Variants in CDH13 observed in about 807,000 individuals in gnomAD.
CDH13 encodes the protein cadherin-13.
CDH13 carries 24 observed loss-of-function variants against 63.8 expected under a neutral mutation model. The ratio of observed to expected loss-of-function variants is 0.38; its 90% CI spans 0.27 to 0.53. The LOEUF (loss-of-function observed/expected upper bound fraction) is 0.53, where lower values mean the gene tolerates loss of function less well. Among genes scored for constraint, CDH13 ranks in the 20% least tolerant of loss-of-function variants. The pLI, the probability that CDH13 is intolerant of heterozygous loss-of-function variation, is 0.85. For missense variants in CDH13, 1,049 were observed against 903.1 expected, an observed-to-expected ratio of 1.16 and a Z score of -2.07; for synonymous variants, 503 against 355.3, an observed-to-expected ratio of 1.42 and a Z score of -4.67.
intron 8 of CDH13, among the ~76,000 whole-genome samples, chr16:83,621,789 C>G (rs1313642702): frequency 1.1e-4 from 17 of 152,022 alleles, no homozygotes; most frequent in Admixed American, 1.1e-3. Flanking sequence ...ACGCAGCCAC[C>G]TCACCTGCCT....
chr16:83,351,105 G>C (rs2090942528), intron 6 of CDH13, among the ~76,000 whole-genome samples: 1 of 152,132 alleles, frequency 6.6e-6, no homozygotes, highest in African/African-American at 2.4e-5. Flanking sequence ...TGGTAGTAAA[G>C]TCCCTTTTCT....
intron 5 of CDH13, among the ~76,000 whole-genome samples, chr16:83,301,167 G>T (rs140490666): frequency 0.014 from 2,171 of 151,112 alleles, 43 homozygotes; most frequent in African/African-American, 0.046. Flanking sequence ...AAGTAGCTGG[G>T]ACTACAGGCG....
At chr16:82,743,473 C>T (rs1248052419) in intron 1 of CDH13, among the ~76,000 whole-genome samples, 6 of 152,194 alleles carry the variant, frequency 3.9e-5, no homozygotes, top group African/African-American at 1.4e-4. Context: ...CCCACTTCAG[C>T]CTCCCAAAAT....
chr16:83,377,484 G>A (rs2151410779), intron 6 of CDH13, among the ~76,000 whole-genome samples: 1 of 152,204 alleles, frequency 6.6e-6, no homozygotes, highest in South Asian at 2.1e-4. Flanking sequence ...TCAAACTCTT[G>A]GGTGAGCTTT....
At chr16:82,791,515 C>T (rs898733332) in intron 1 of CDH13, among the ~76,000 whole-genome samples, 7 of 152,182 alleles carry the variant, frequency 4.6e-5, no homozygotes, top group Admixed American at 1.3e-4. Flanking sequence ...TATGGGAGCT[C>T]TGTTTTCACT....
intron 5 of CDH13, among the ~76,000 whole-genome samples, chr16:83,302,703 A>C (rs898824976): frequency 2.6e-5 from 4 of 152,174 alleles, no homozygotes; most frequent in Non-Finnish European, 5.9e-5. Context: ...TAAGTCAACA[A>C]GATTACAAAA....
At chr16:82,939,358 G>T (rs1038357047) in intron 2 of CDH13, among the ~76,000 whole-genome samples, 1 of 152,046 alleles carries the variant, frequency 6.6e-6, no homozygotes, top group Non-Finnish European at 1.5e-5. Context: ...GGGAGACGGA[G>T]GTTGCAGTGA....
intron 2 of CDH13, among the ~76,000 whole-genome samples, chr16:83,002,945 C>G (rs1913091204): frequency 6.6e-6 from 1 of 152,224 alleles, no homozygotes; most frequent in South Asian, 2.1e-4. Context: ...GAGCATGTAC[C>G]AAATATATTG....
chr16:83,191,524 CACACACATAT>C (rs1252326960), intron 4 of CDH13, among the ~76,000 whole-genome samples: 78 of 100,528 alleles, frequency 7.8e-4, no homozygotes, highest in Middle Eastern at 9.8e-3. Flanking sequence ...CACACACACA[CACACACATAT>C]ATATATATAT....
chr16:83,127,754 C>G (rs968022001), intron 4 of CDH13, among the ~76,000 whole-genome samples: 2 of 152,062 alleles, frequency 1.3e-5, no homozygotes, highest in African/African-American at 4.8e-5. Flanking sequence ...AAAAATCGAT[C>G]TTTATTGCAA....
At position 83,780,179 on chromosome 16, in the gene CDH13, C is replaced by G; in HGVS notation, c.1893C>G (p.Val631=). 3 of 1,602,622 alleles carry G rather than the reference C, an allele frequency of 1.9e-6. No individual in the cohort carries two copies. Among genetic ancestry groups the G allele is most frequent in the Non-Finnish European group, 2.6e-6 (3 of 1,173,476 alleles). The change falls in exon 12 of 14, where the codon GTC becomes GTG. Residue 631 remains valine (V), a synonymous_variant. Transcript: ENST00000567109. ...EIHKQAVPDK[V]WKISKINNTH... ...ACAAACAAGCTGTTCCTGATAAAGTCTGGAAGATCTCCAAGATCAACAGTA... is the reference window on the plus strand; with the variant it reads ...ACAAACAAGCTGTTCCTGATAAAGTGTGGAAGATCTCCAAGATCAACAGTA...
intron 9 of CDH13, among the ~76,000 whole-genome samples, chr16:83,672,606 A>G (rs1258788656): frequency 6.6e-6 from 1 of 150,918 alleles, no homozygotes; most frequent in South Asian, 2.1e-4. Context: ...TGTATTTTCA[A>G]TAGAGACGGG....
intron 5 of CDH13, among the ~76,000 whole-genome samples, chr16:83,324,237 A>C (rs945702169): frequency 3.3e-5 from 5 of 152,130 alleles, no homozygotes; most frequent in Non-Finnish European, 5.9e-5. Context: ...GGGTTTCACC[A>C]TCATGGTCAG....
Position 83,555,527 on chromosome 16 carries a change from T to C in CDH13, c.961-46927T>C, listed in dbSNP as rs370793600. Among the ~76,000 whole-genome samples the C allele has an allele frequency of 5.5e-4, 84 of 152,320 alleles. 2 individuals are homozygous for C. In the South Asian group the frequency reaches 0.015, roughly 27 times the overall value. ...TGTTCACTGGAAAAGCCGAAAGATT[T>C]ATGTGAGCACTTAGTTGACTGAATT... On this transcript the variant is annotated intron_variant, in intron 7 of 13. Transcript: ENST00000567109.
chr16:83,533,369 A>G (rs546137478), intron 7 of CDH13, among the ~76,000 whole-genome samples: 2 of 152,202 alleles, frequency 1.3e-5, no homozygotes, highest in South Asian at 4.2e-4. Context: ...TTTACAGGGC[A>G]TTCCCCAAAG....
intron 5 of CDH13, among the ~76,000 whole-genome samples, chr16:83,282,161 T>C (rs929051094): frequency 6.6e-6 from 1 of 152,186 alleles, no homozygotes; most frequent in African/African-American, 2.4e-5. Flanking sequence ...ACATTTGCCA[T>C]CTTTTGTCTT....
intron 6 of CDH13, among the ~76,000 whole-genome samples, chr16:83,413,624 GC>G (rs1346646828): frequency 6.6e-6 from 1 of 152,146 alleles, no homozygotes; most frequent in Non-Finnish European, 1.5e-5. Flanking sequence ...TAATCATGCA[GC>G]CCATAATAGG....
chr16:83,570,990 C>G (rs1003292138), intron 7 of CDH13, among the ~76,000 whole-genome samples: 2 of 131,550 alleles, frequency 1.5e-5, no homozygotes, highest in Non-Finnish European at 3.3e-5. Context: ...CTGGCGCCAC[C>G]CAAGGGCCAG....
intron 3 of CDH13, among the ~76,000 whole-genome samples, chr16:83,089,120 G>A (rs1361333229): frequency 1.3e-5 from 2 of 152,132 alleles, no homozygotes. Context: ...TTAGATATAA[G>A]CGTATATTTT....
Sources: allele counts gnomAD v4.1 joint callset (sites outside exome capture counted in the v4.1 genomes callset), GRCh38; gene constraint gnomAD v4.1.1; transcripts MANE v1.5; gene names NCBI Gene and HGNC (gene_info 2026-07-23, HGNC 2026-07-21).